Variants in MED31 observed in about 807,000 individuals in gnomAD.
MED31 encodes the protein mediator complex subunit 31.
Under a neutral mutation model 22.0 loss-of-function variants are expected in MED31, and 11 were observed. The observed-to-expected ratio is 0.50, with a 90% CI of 0.31 to 0.83. The LOEUF (loss-of-function observed/expected upper bound fraction) is 0.83. MED31 is among the 40% of genes least tolerant of loss of function. The pLI, the probability that MED31 is intolerant of heterozygous loss-of-function variation, is 0.04. For synonymous variants in MED31, 60 were observed against 55.1 expected, an observed-to-expected ratio of 1.09 and a Z score of -0.40; for missense variants, 122 against 155.3, an observed-to-expected ratio of 0.79 and a Z score of 1.14.
At chr17:6,651,288 G>A (rs1972832259) in intron 1 of MED31, 1 of 614,242 alleles carries the variant, frequency 1.6e-6, no homozygotes, top group Non-Finnish European at 2.8e-6. Flanking sequence ...GAGCTGGTGG[G>A]GTGGTGTCTG....
intron 3 of MED31, among the ~76,000 whole-genome samples, chr17:6,645,463 T>C (rs961046578): frequency 6.6e-6 from 1 of 152,078 alleles, no homozygotes; most frequent in East Asian, 1.9e-4. Context: ...CAGGTTTCCT[T>C]GGAGAAAAGG....
At chr17:6,648,610 C>T (rs1189176379) in intron 3 of MED31, among the ~76,000 whole-genome samples, 4 of 152,304 alleles carry the variant, frequency 2.6e-5, no homozygotes, top group Non-Finnish European at 5.9e-5. Flanking sequence ...CTAAAATCTT[C>T]TGCAGACTGA....
chr17:6,650,044 A>G lies in MED31; in HGVS notation c.141T>C (p.Ala47=), dbSNP rs1319088646. 1.2e-6 allele frequency: 2 copies of G among 1,603,722 alleles called. No homozygotes were observed. Among genetic ancestry groups the G allele is most frequent in the South Asian group, 2.3e-5 (2 of 87,360 alleles). Residue 47 remains alanine (A), a synonymous_variant, in exon 3 of 4, where the codon GCT becomes GCC. Transcript: ENST00000225728. ...GCAAGTATTTAAGATAATTAACAAA[A>G]GCTTTGTCTTTGAAGTAACCTCTTT... The part of the protein sequence containing the change: ...LAQRGYFKDK[A]FVNYLKYLLY...
Position 6,644,377 on chromosome 17 carries a change from G to C in MED31, c.*90C>G. 1 of 1,420,472 alleles carries C rather than the reference G, an allele frequency of 7.0e-7. No homozygotes were observed. The highest frequency in any genetic ancestry group is 9.3e-7 in the Non-Finnish European group (1 of 1,071,930). The allele number at this position is 1,420,472 out of a possible 1,614,324, so 88.0% of individuals were successfully genotyped here. A position where few individuals can be genotyped will look rare whatever the true frequency, so the allele number is the denominator to read the frequency against. ...TCTAGGGGCTACCATAATAAAGGTA[G>C]ATAGGAAGAGTTTTCATTTTTTTTG... is the stretch of plus-strand genomic sequence containing the variant. On this transcript the variant is annotated 3_prime_UTR_variant, in exon 4 of 4. Coordinates refer to ENST00000225728, the MANE Select transcript of MED31 (RefSeq NM_016060.3).
intron 1 of MED31, 73 bp from the exon 2 acceptor site, chr17:6,650,506 G>C: frequency 2.2e-6 from 3 of 1,383,140 alleles, no homozygotes; most frequent in Non-Finnish European, 3.0e-6. Context: ...AGTAAGGAAA[G>C]AGCAATAAAG....
chr17:6,649,049 G>A (rs1252606268), intron 3 of MED31, among the ~76,000 whole-genome samples: 2 of 152,008 alleles, frequency 1.3e-5, no homozygotes, highest in African/African-American at 2.4e-5. Flanking sequence ...AACATAAGAC[G>A]TATGTGCTTC....
rs1363513098 is a variant in MED31 at position 6,644,060 on chromosome 17, T to C, written c.*407A>G. ...CTCACTACATCTTAGAGTAGAGTGGTAGAGTAGTTGATCTGAGACAGTAAG... is the reference window on the plus strand; with the variant it reads ...CTCACTACATCTTAGAGTAGAGTGGCAGAGTAGTTGATCTGAGACAGTAAG... On this transcript the variant is annotated 3_prime_UTR_variant, in exon 4 of 4. Transcript: ENST00000225728. 2.0e-5 allele frequency: 8 copies of C among 405,644 alleles called. No homozygotes were observed. Among genetic ancestry groups the C allele is most frequent in the Non-Finnish European group, 3.5e-5 (8 of 230,096 alleles). 25.1% of individuals were successfully genotyped at this position (405,644 alleles called of 1,614,324 possible). A position where few individuals can be genotyped will look rare whatever the true frequency, so the allele number is the denominator to read the frequency against.
chr17:6,649,788 A>G, intron 3 of MED31, 194 bp downstream of exon 3: 2 of 493,550 alleles, frequency 4.1e-6, no homozygotes, highest in Non-Finnish European at 6.5e-6. Flanking sequence ...GCAGGAAGGT[A>G]AAAGTGGAAG....
rs1237056575 is a variant in MED31, at chr17:6,651,583, G to A, written c.-55C>T. 3 of 1,611,310 alleles carry A rather than the reference G, an allele frequency of 1.9e-6. No homozygotes were observed. Among genetic ancestry groups the A allele is most frequent in the African/African-American group, 1.3e-5 (1 of 74,966 alleles). On this transcript the variant is annotated 5_prime_UTR_variant, in exon 1 of 4. Coordinates refer to ENST00000225728, the MANE Select transcript of MED31 (RefSeq NM_016060.3). Reference sequence around the variant, plus strand: ...CCTGACAGAGCAAAAGCCCAGAGACGCGGGCGAAGTTCCGGAAACCACGGC... The same window carrying A: ...CCTGACAGAGCAAAAGCCCAGAGACACGGGCGAAGTTCCGGAAACCACGGC...
chr17:6,650,993 C>T (rs2150949881), intron 1 of MED31, among the ~76,000 whole-genome samples: 1 of 151,492 alleles, frequency 6.6e-6, no homozygotes, highest in East Asian at 1.9e-4. Context: ...CGGTGGCGGG[C>T]TCCTGTAGTC....
chr17:6,646,698 A>G (rs1451202915), intron 3 of MED31, among the ~76,000 whole-genome samples: 1 of 152,238 alleles, frequency 6.6e-6, no homozygotes, highest in Admixed American at 6.5e-5. Flanking sequence ...CCTGCCCAGA[A>G]AAGCCTGGGT....
chr17:6,650,916 GA>G (rs1972825317), intron 1 of MED31, among the ~76,000 whole-genome samples: 1 of 151,704 alleles, frequency 6.6e-6, no homozygotes, highest in Non-Finnish European at 1.5e-5. Context: ...TCAGGAGATC[GA>G]GACCATCCTG....
chr17:6,644,401 TG>T lies in MED31; in HGVS notation c.*65del. ...AGATAGGAAGAGTTTTCATTTTTTT[TG>T]TCTTCACTGTACAAAAGAAATACAT... On this transcript the variant is annotated 3_prime_UTR_variant, in exon 4 of 4. Coordinates refer to ENST00000225728, the MANE Select transcript of MED31 (RefSeq NM_016060.3). The T allele has an allele frequency of 6.9e-7, 1 of 1,455,978 alleles. No individual in the cohort carries two copies. 90.2% of individuals were successfully genotyped at this position (1,455,978 alleles called of 1,614,324 possible). A position where few individuals can be genotyped will look rare whatever the true frequency, so the allele number is the denominator to read the frequency against.
At chr17:6,647,936 A>G (rs1308449490) in intron 3 of MED31, among the ~76,000 whole-genome samples, 1 of 152,280 alleles carries the variant, frequency 6.6e-6, no homozygotes, top group Non-Finnish European at 1.5e-5. Flanking sequence ...ATAAAGAATC[A>G]TACTCTGATA....
Position 6,644,121 on chromosome 17 carries a change from G to C in MED31, c.*346C>G. 1 of 419,112 alleles carries C rather than the reference G, an allele frequency of 2.4e-6. No individual in the cohort carries two copies. The highest frequency in any genetic ancestry group is 4.2e-6 in the Non-Finnish European group (1 of 237,678). 26.0% of individuals were successfully genotyped at this position (419,112 alleles called of 1,614,324 possible). A position where few individuals can be genotyped will look rare whatever the true frequency, so the allele number is the denominator to read the frequency against. On this transcript the variant is annotated 3_prime_UTR_variant, in exon 4 of 4. Coordinates refer to ENST00000225728, the MANE Select transcript of MED31 (RefSeq NM_016060.3). ...ATGGTCTTGCCCTACTATATGTCAGGAACAGCTAGCCTTAGAATTCAGTAT... is the reference window on the plus strand; with the variant it reads ...ATGGTCTTGCCCTACTATATGTCAGCAACAGCTAGCCTTAGAATTCAGTAT...
chr17:6,649,701 T>C (rs1414868279), intron 3 of MED31, among the ~76,000 whole-genome samples: 1 of 152,222 alleles, frequency 6.6e-6, no homozygotes, highest in East Asian at 1.9e-4. Context: ...AGTGTTCTGA[T>C]TTATATTTTT....
chr17:6,647,616 TC>T (rs1972782567), intron 3 of MED31, among the ~76,000 whole-genome samples: 2 of 152,300 alleles, frequency 1.3e-5, no homozygotes, highest in South Asian at 4.1e-4. Context: ...GATAGTAACT[TC>T]CAAGACAGCA....
intron 3 of MED31, among the ~76,000 whole-genome samples, chr17:6,645,319 G>A (rs1486119404): frequency 6.6e-6 from 1 of 152,154 alleles, no homozygotes; most frequent in Non-Finnish European, 1.5e-5. Context: ...GAATAAACAT[G>A]TATATGTGTG....
chr17:6,650,209 C>A, intron 2 of MED31, 131 bp from the exon 3 acceptor site: 1 of 1,223,196 alleles, frequency 8.2e-7, no homozygotes, highest in Non-Finnish European at 1.2e-6. Context: ...AAACACAAGT[C>A]CCAGTACGCA....
Sources: allele counts gnomAD v4.1 joint callset (sites outside exome capture counted in the v4.1 genomes callset), GRCh38; gene constraint gnomAD v4.1.1; transcripts MANE v1.5; gene names NCBI Gene and HGNC (gene_info 2026-07-23, HGNC 2026-07-21).